The following TMEM108 variants were observed in gnomAD, a reference collection of about 807,000 sequenced individuals.
TMEM108 encodes transmembrane protein 108.
A neutral mutation model predicts 35.1 loss-of-function variants in TMEM108; 12 were observed. The ratio of observed to expected loss-of-function variants is 0.34; its 90% CI spans 0.22 to 0.55. The LOEUF is 0.55. Among genes scored for constraint, TMEM108 ranks in the 20% least tolerant of loss-of-function variants. The probability of loss-of-function intolerance (pLI) is 0.89; values close to 1 mark genes in which losing one functional copy is unlikely to be tolerated. For synonymous variants in TMEM108, 287 were observed against 308.6 expected (o/e 0.93, Z 0.73); for missense variants, 680 against 753.3 (o/e 0.90, Z 1.14).
chr3:133,189,784 C>T (rs754882244), intron 2 of TMEM108, among the ~76,000 whole-genome samples: 4 of 152,178 alleles, frequency 2.6e-5, no homozygotes, highest in South Asian at 2.1e-4. Context: ...TTATTAAAGG[C>T]GGCCAAAAGT....
chr3:133,289,634 G>A (rs1197530857), intron 3 of TMEM108, among the ~76,000 whole-genome samples: 4 of 152,204 alleles, frequency 2.6e-5, no homozygotes, highest in Non-Finnish European at 4.4e-5. Flanking sequence ...ATCCGACTGT[G>A]AGGTTTGAAA....
intron 2 of TMEM108, among the ~76,000 whole-genome samples, chr3:133,075,726 T>A (rs1191693407): frequency 2.0e-5 from 3 of 152,202 alleles, no homozygotes; most frequent in Non-Finnish European, 4.4e-5. Context: ...GATCTGCCTT[T>A]CCTGGGAAAA....
chr3:133,172,668 T>G (rs9848953), intron 2 of TMEM108, among the ~76,000 whole-genome samples: 36,767 of 152,134 alleles, frequency 0.24, 5,267 homozygotes, highest in Middle Eastern at 0.39. Context: ...AATACACAAT[T>G]TGGACCAAAA....
At chr3:133,043,679 T>A (rs1352258494) in intron 1 of TMEM108, among the ~76,000 whole-genome samples, 4 of 152,114 alleles carry the variant, frequency 2.6e-5, no homozygotes, top group Non-Finnish European at 4.4e-5. Context: ...GACTTGGAGT[T>A]TTTGACTTCT....
intron 2 of TMEM108, among the ~76,000 whole-genome samples, chr3:133,149,714 T>C (rs1380478435): frequency 6.6e-6 from 1 of 152,186 alleles, no homozygotes; most frequent in African/African-American, 2.4e-5. Flanking sequence ...CTCAGGTATA[T>C]GTACCAGATA....
chr3:133,389,982 C>T (rs986745710), intron 4 of TMEM108, among the ~76,000 whole-genome samples, 198 bp from the exon 5 acceptor site: 31 of 152,130 alleles, frequency 2.0e-4, no homozygotes, highest in African/African-American at 7.0e-4. Flanking sequence ...ACTTCTGCCC[C>T]GTGATTTTGC....
chr3:133,042,973 A>G (rs1043739522), intron 1 of TMEM108, among the ~76,000 whole-genome samples: 2 of 152,270 alleles, frequency 1.3e-5, no homozygotes, highest in Admixed American at 6.5e-5. Context: ...GAGTTTTGGC[A>G]GAAGTTCAAG....
In TMEM108 at chr3:133,330,358, G is replaced by T. The variant is rs149546984; in HGVS notation, c.41-49394G>T. On this transcript the variant is annotated intron_variant, in intron 3 of 5. Coordinates refer to ENST00000321871, the MANE Select transcript of TMEM108 (RefSeq NM_023943.4). ...AAATCCAGATTCTCCATCTGAAAAGGTTAAGCAGGAGGGAAACAATATTCA... is the reference window on the plus strand; with the variant it reads ...AAATCCAGATTCTCCATCTGAAAAGTTTAAGCAGGAGGGAAACAATATTCA... 5.9e-5 allele frequency among the ~76,000 whole-genome samples: 9 copies of T among 152,272 alleles called. No homozygotes were observed. The East Asian group carries it at 1.7e-3, about 29-fold the overall frequency.
At position 133,162,732 on chromosome 3, in the gene TMEM108, A is replaced by T. The variant is rs150280171; in HGVS notation, c.-46-66534A>T. Among the ~76,000 whole-genome samples the T allele has an allele frequency of 1.2e-4, 19 of 152,324 alleles. No homozygotes were observed. In the East Asian group the frequency reaches 3.7e-3, roughly 29 times the overall value. On this transcript the variant is annotated intron_variant, in intron 2 of 5. Transcript: ENST00000321871. The stretch of plus-strand genomic sequence containing the variant: ...TTGGCTTCATTAATACACTGCTTCA[A>T]CCTGCTGGCCTCAACTGATTCATCA...
At chr3:133,266,653 G>T (rs1559886974) in intron 3 of TMEM108, among the ~76,000 whole-genome samples, 2 of 152,170 alleles carry the variant, frequency 1.3e-5, no homozygotes, top group South Asian at 2.1e-4. Flanking sequence ...TCCTGATTAA[G>T]TGCACTAAAG....
chr3:133,300,421 G>A (rs1366578759), intron 3 of TMEM108, among the ~76,000 whole-genome samples: 1 of 152,018 alleles, frequency 6.6e-6, no homozygotes, highest in Non-Finnish European at 1.5e-5. Context: ...ACTGGGTAAG[G>A]GACCTCTTTT....
At chr3:133,204,472 C>T (rs767682767) in intron 2 of TMEM108, among the ~76,000 whole-genome samples, 3 of 152,080 alleles carry the variant, frequency 2.0e-5, no homozygotes, top group Non-Finnish European at 2.9e-5. Flanking sequence ...ACTGCTTTAG[C>T]TGTGTCCCAG....
intron 3 of TMEM108, among the ~76,000 whole-genome samples, chr3:133,327,714 C>T (rs552619277): frequency 3.3e-5 from 5 of 152,158 alleles, no homozygotes; most frequent in African/African-American, 1.2e-4. Flanking sequence ...GGCAGGGATC[C>T]CACCTTTCTG....
chr3:133,235,195 T>G (rs1946216266), intron 3 of TMEM108, among the ~76,000 whole-genome samples: 1 of 152,132 alleles, frequency 6.6e-6, no homozygotes, highest in African/African-American at 2.4e-5. Flanking sequence ...ATTTATAGAT[T>G]CAATGCCATC....
chr3:133,133,239 T>C (rs1021413767), intron 2 of TMEM108, among the ~76,000 whole-genome samples: 2 of 152,184 alleles, frequency 1.3e-5, no homozygotes, highest in Admixed American at 1.3e-4. Context: ...ACTTTATTGT[T>C]TAAGAAATTG....
chr3:133,228,871 CTTGTTTTTTGT>C (rs1259912971), intron 2 of TMEM108, among the ~76,000 whole-genome samples: 3 of 152,012 alleles, frequency 2.0e-5, no homozygotes, highest in African/African-American at 7.2e-5. Context: ...AGCTTTCTGG[CTTGTTTTTTGT>C]TTGTTTTATT....
chr3:133,095,498 A>G (rs554142665), intron 2 of TMEM108, among the ~76,000 whole-genome samples: 14 of 152,222 alleles, frequency 9.2e-5, no homozygotes, highest in African/African-American at 3.1e-4. Context: ...TTATTGTTAC[A>G]TTGTAATATA....
intron 2 of TMEM108, among the ~76,000 whole-genome samples, chr3:133,185,856 C>G (rs1945413411): frequency 6.6e-6 from 1 of 150,920 alleles, no homozygotes; most frequent in Non-Finnish European, 1.5e-5. Context: ...CAACCTCTCC[C>G]TCCCAGGTTC....
At chr3:133,069,582 T>A (rs1227356779) in intron 2 of TMEM108, among the ~76,000 whole-genome samples, 2 of 152,152 alleles carry the variant, frequency 1.3e-5, no homozygotes, top group African/African-American at 4.8e-5. Context: ...AAACCCAAGC[T>A]GTTCTCCTCT....
Sources: gnomAD v4.1 joint callset for allele counts (sites outside exome capture counted in the v4.1 genomes callset) on GRCh38, gnomAD v4.1.1 for gene constraint, MANE v1.5 for transcripts, NCBI Gene and HGNC (gene_info 2026-07-23, HGNC 2026-07-21) for gene names.